The following LEKR1 variants were observed in gnomAD, a reference collection of about 807,000 sequenced individuals.
The protein encoded by LEKR1 is protein LEKR1.
LEKR1 carries 59 observed loss-of-function variants against 72.4 expected under a neutral mutation model. The ratio of observed to expected loss-of-function variants is 0.82; its 90% CI spans 0.66 to 1.01. The LOEUF is 1.01. Ranked by LOEUF, LEKR1 falls within the 50% of genes least tolerant of loss-of-function variation. The pLI is 0.00. For missense variants in LEKR1, 728 were observed against 759.2 expected (o/e 0.96, Z 0.48); for synonymous variants, 257 against 263.2 (o/e 0.98, Z 0.23).
Position 156,899,527 on chromosome 3 carries a change from TATACACATATATACATATATACAC to T in LEKR1, c.264-21044_264-21021del, listed in dbSNP as rs1223749251. 1.1e-4 allele frequency among the ~76,000 whole-genome samples: 16 copies of T among 139,196 alleles called. 1 individual carries two copies. The highest frequency in any genetic ancestry group is 4.0e-4 in the African/African-American group (15 of 37,804). 91.3% of individuals were successfully genotyped at this position (139,196 alleles called of 152,430 possible). On this transcript the variant is annotated intron_variant, in intron 3 of 12. Coordinates refer to ENST00000356539, the MANE Select transcript of LEKR1 (RefSeq NM_001004316.3). ...ACATGTATATATACATACATACATATATACACATATATACATATATACACATATATACATATACATGTATATATA... is the reference window on the plus strand; with the variant it reads ...ACATGTATATATACATACATACATATATATATACATATACATGTATATATA...
intron 12 of LEKR1, among the ~76,000 whole-genome samples, chr3:157,030,296 C>G (rs1734508099): frequency 6.6e-6 from 1 of 152,116 alleles, no homozygotes; most frequent in Admixed American, 6.6e-5. Context: ...GCCCCACCTC[C>G]AACATTGAGG....
At chr3:156,905,023 C>T (rs1722399651) in intron 3 of LEKR1, among the ~76,000 whole-genome samples, 1 of 152,042 alleles carries the variant, frequency 6.6e-6, no homozygotes, top group African/African-American at 2.4e-5. Context: ...TAAAAACCTA[C>T]ATTGAGTCAG....
At chr3:157,039,671 G>T (rs922252021) in intron 12 of LEKR1, among the ~76,000 whole-genome samples, 2 of 152,156 alleles carry the variant, frequency 1.3e-5, no homozygotes, top group African/African-American at 4.8e-5. Flanking sequence ...ACGGATTCAT[G>T]TAAACTCTAA....
At chr3:156,917,924 A>G (rs767793398) in intron 3 of LEKR1, among the ~76,000 whole-genome samples, 3 of 152,128 alleles carry the variant, frequency 2.0e-5, no homozygotes, top group Non-Finnish European at 2.9e-5. Context: ...AGCTCCAGGA[A>G]GGCTACCTCC....
intron 3 of LEKR1, among the ~76,000 whole-genome samples, chr3:156,888,668 G>T (rs779880119): frequency 6.6e-6 from 1 of 152,018 alleles, no homozygotes; most frequent in Non-Finnish European, 1.5e-5. Context: ...CTAACCTTTT[G>T]CGTTTAGCCT....
Position 156,829,307 on chromosome 3 carries a change from C to T in LEKR1, c.-23C>T, listed in dbSNP as rs894478499. The T allele has an allele frequency of 6.6e-6, 10 of 1,506,744 alleles. 1 individual carries two copies. In the Admixed American group the frequency reaches 1.2e-4, roughly 18 times the overall value. 93.3% of individuals were successfully genotyped at this position (1,506,744 alleles called of 1,614,324 possible). A position where few individuals can be genotyped will look rare whatever the true frequency, so the allele number is the denominator to read the frequency against. On this transcript the variant is annotated 5_prime_UTR_variant, in exon 2 of 13. Coordinates refer to ENST00000356539, the MANE Select transcript of LEKR1 (RefSeq NM_001004316.3). Reference sequence around the variant, plus strand: ...TTAGATTTCCTTTGGCTTCAAAGCTCTCTCACCATATTTTGGGAAGTTATG... The same window carrying T: ...TTAGATTTCCTTTGGCTTCAAAGCTTTCTCACCATATTTTGGGAAGTTATG...
intron 5 of LEKR1, among the ~76,000 whole-genome samples, chr3:156,938,820 A>G (rs1185095433): frequency 6.6e-6 from 1 of 152,220 alleles, no homozygotes; most frequent in East Asian, 1.9e-4. Flanking sequence ...ATGCCTTGAT[A>G]ATAAGGTTAT....
chr3:156,988,131 G>T (rs1255186815), intron 7 of LEKR1: 1 of 162,506 alleles, frequency 6.2e-6, no homozygotes, highest in East Asian at 1.7e-4. Context: ...TCCAACATGT[G>T]CAGGAACACC....
chr3:156,935,696 A>T (rs1211167686), intron 5 of LEKR1, among the ~76,000 whole-genome samples: 1 of 152,232 alleles, frequency 6.6e-6, no homozygotes, highest in Non-Finnish European at 1.5e-5. Context: ...CCTAAGAAGC[A>T]TGCAGACCTT....
intron 2 of LEKR1, among the ~76,000 whole-genome samples, chr3:156,847,118 A>G (rs1167401335): frequency 2.0e-5 from 3 of 152,194 alleles, no homozygotes; most frequent in South Asian, 4.1e-4. Context: ...AAGAGGCACA[A>G]TTTTGAAATA....
intron 3 of LEKR1, among the ~76,000 whole-genome samples, chr3:156,899,044 G>T (rs1241247384): frequency 1.3e-5 from 2 of 151,956 alleles, no homozygotes; most frequent in South Asian, 2.1e-4. Flanking sequence ...AGCTATTTTT[G>T]CCAGCTGTGT....
intron 3 of LEKR1, among the ~76,000 whole-genome samples, chr3:156,883,049 G>T (rs1719631745): frequency 6.6e-6 from 1 of 152,046 alleles, no homozygotes; most frequent in African/African-American, 2.4e-5. Flanking sequence ...TATACCTAAT[G>T]CCAGATGACG....
At chr3:156,902,968 T>C (rs1722178655) in intron 3 of LEKR1, among the ~76,000 whole-genome samples, 1 of 152,138 alleles carries the variant, frequency 6.6e-6, no homozygotes, top group Non-Finnish European at 1.5e-5. Flanking sequence ...ATGACAAATA[T>C]TACATTGAGT....
At chr3:156,960,212 T>G (rs1727996209) in intron 6 of LEKR1, among the ~76,000 whole-genome samples, 1 of 152,242 alleles carries the variant, frequency 6.6e-6, no homozygotes, top group Non-Finnish European at 1.5e-5. Flanking sequence ...TTTCACATTT[T>G]GTTACTTGTT....
intron 3 of LEKR1, among the ~76,000 whole-genome samples, chr3:156,857,876 CT>C (rs1490007234): frequency 1.3e-5 from 2 of 152,166 alleles, no homozygotes; most frequent in African/African-American, 4.8e-5. Flanking sequence ...TTATACTTAT[CT>C]TTTCTAATAA....
At chr3:156,842,810 C>T (rs1714102698) in intron 2 of LEKR1, among the ~76,000 whole-genome samples, 1 of 152,168 alleles carries the variant, frequency 6.6e-6, no homozygotes, top group Admixed American at 6.5e-5. Context: ...ATAAGATAAT[C>T]TTTGACTCTC....
At chr3:156,827,999 C>A (rs1711863425) in intron 1 of LEKR1, among the ~76,000 whole-genome samples, 1 of 152,194 alleles carries the variant, frequency 6.6e-6, no homozygotes, top group Non-Finnish European at 1.5e-5. Flanking sequence ...GCCTTCTGGG[C>A]TCTTGCCACA....
intron 6 of LEKR1, among the ~76,000 whole-genome samples, chr3:156,944,209 T>C (rs2107970257): frequency 6.6e-6 from 1 of 151,872 alleles, no homozygotes; most frequent in East Asian, 1.9e-4. Context: ...CATTAATACA[T>C]ATAGAATTTA....
At chr3:156,913,590 T>C (rs1321453564) in intron 3 of LEKR1, among the ~76,000 whole-genome samples, 1 of 152,212 alleles carries the variant, frequency 6.6e-6, no homozygotes, top group Non-Finnish European at 1.5e-5. Context: ...GTACTAGCTG[T>C]AGCTAAGGAT....
Sources: allele counts gnomAD v4.1 joint callset (sites outside exome capture counted in the v4.1 genomes callset), GRCh38; gene constraint gnomAD v4.1.1; transcripts MANE v1.5; gene names NCBI Gene and HGNC (gene_info 2026-07-23, HGNC 2026-07-21).